SMAP1: variants seen among roughly 807,000 people sequenced by gnomAD.
The protein encoded by SMAP1 is stromal membrane-associated protein 1.
In SMAP1, 24 loss-of-function variants were observed where a neutral mutation model predicts 58.5. The ratio of observed to expected loss-of-function variants is 0.41; its 90% CI spans 0.30 to 0.58. The LOEUF (loss-of-function observed/expected upper bound fraction) is 0.58. Ranked by LOEUF, SMAP1 falls within the 20% of genes least tolerant of loss-of-function variation. SMAP1 has a pLI of 0.29. For missense variants in SMAP1, 563 were observed against 566.3 expected (o/e 0.99, Z 0.06); for synonymous variants, 216 against 196.6 (o/e 1.10, Z -0.82).
chr6:70,674,497 C>G (rs933668548), intron 1 of SMAP1, among the ~76,000 whole-genome samples: 3 of 152,112 alleles, frequency 2.0e-5, no homozygotes, highest in Non-Finnish European at 4.4e-5. Flanking sequence ...TCAATTTTCT[C>G]AATGAAAGAA....
At chr6:70,840,074 T>C (rs1490016447) in intron 7 of SMAP1, among the ~76,000 whole-genome samples, 1 of 152,224 alleles carries the variant, frequency 6.6e-6, no homozygotes, top group African/African-American at 2.4e-5. Flanking sequence ...CCTTGAAGTA[T>C]GATTTATGGT....
intron 1 of SMAP1, among the ~76,000 whole-genome samples, chr6:70,688,139 C>A (rs773074295): frequency 6.6e-6 from 1 of 152,094 alleles, no homozygotes; most frequent in Non-Finnish European, 1.5e-5. Context: ...GTTAATAGTT[C>A]TTTTCTTTTT....
At chr6:70,802,930 G>T (rs1768929001) in intron 6 of SMAP1, among the ~76,000 whole-genome samples, 1 of 152,088 alleles carries the variant, frequency 6.6e-6, no homozygotes, top group African/African-American at 2.4e-5. Flanking sequence ...GAGGATTTTC[G>T]CATCGATGTT....
intron 1 of SMAP1, among the ~76,000 whole-genome samples, chr6:70,697,457 C>T (rs536301075): frequency 1.3e-5 from 2 of 152,122 alleles, no homozygotes; most frequent in Non-Finnish European, 2.9e-5. Flanking sequence ...AGGTGCCCAC[C>T]ACCACACCCA....
intron 1 of SMAP1, among the ~76,000 whole-genome samples, chr6:70,693,156 T>C (rs1240813486): frequency 6.6e-6 from 1 of 152,142 alleles, no homozygotes. Context: ...GTTTTTGTTT[T>C]GGTAGGCTGT....
chr6:70,834,835 A>G (rs926713729), intron 6 of SMAP1, among the ~76,000 whole-genome samples: 2 of 152,224 alleles, frequency 1.3e-5, no homozygotes, highest in African/African-American at 4.8e-5. Context: ...GCTAAGCAAG[A>G]TAAGTCTGAA....
At chr6:70,733,680 T>C (rs921038468) in intron 2 of SMAP1, among the ~76,000 whole-genome samples, 1 of 152,180 alleles carries the variant, frequency 6.6e-6, no homozygotes, top group African/African-American at 2.4e-5. Context: ...CCAGCTGATG[T>C]TGTAACTCTT....
intron 1 of SMAP1, among the ~76,000 whole-genome samples, chr6:70,698,079 A>G (rs1218460438): frequency 6.6e-6 from 1 of 152,152 alleles, no homozygotes; most frequent in African/African-American, 2.4e-5. Flanking sequence ...AGCATTTCTT[A>G]TAGGACATGT....
At chr6:70,839,205 C>T (rs749197228) in intron 7 of SMAP1, among the ~76,000 whole-genome samples, 1 of 152,196 alleles carries the variant, frequency 6.6e-6, no homozygotes, top group Non-Finnish European at 1.5e-5. Context: ...TCATTTGATA[C>T]ATTTTCTACC....
intron 6 of SMAP1, among the ~76,000 whole-genome samples, chr6:70,804,679 T>C (rs1260159567): frequency 6.6e-6 from 1 of 152,210 alleles, no homozygotes; most frequent in Non-Finnish European, 1.5e-5. Context: ...GGAGCTCTTG[T>C]AAGGCAGGCC....
chr6:70,798,363 A>T (rs1768696569), intron 5 of SMAP1, among the ~76,000 whole-genome samples: 1 of 151,484 alleles, frequency 6.6e-6, no homozygotes, highest in South Asian at 2.1e-4. Context: ...TTGAATGGAG[A>T]TCTCATTCAT....
intron 3 of SMAP1, 193 bp from the exon 4 acceptor site, chr6:70,773,157 C>T: frequency 2.3e-6 from 1 of 426,856 alleles, no homozygotes; most frequent in Non-Finnish European, 4.2e-6. Context: ...AGAAAATTTC[C>T]TGAAAGAGGT....
At chr6:70,777,847 G>A (rs955762529) in intron 4 of SMAP1, among the ~76,000 whole-genome samples, 3 of 151,826 alleles carry the variant, frequency 2.0e-5, no homozygotes, top group Non-Finnish European at 4.4e-5. Context: ...CCGCCTCCTG[G>A]GTTCAAGTGA....
intron 1 of SMAP1, among the ~76,000 whole-genome samples, chr6:70,706,186 G>T (rs1442149801): frequency 6.6e-6 from 1 of 152,124 alleles, no homozygotes; most frequent in Non-Finnish European, 1.5e-5. Flanking sequence ...CAACGAAGTT[G>T]GTGGATCCTA....
chr6:70,678,781 T>C (rs528296369), intron 1 of SMAP1, among the ~76,000 whole-genome samples: 41 of 152,310 alleles, frequency 2.7e-4, no homozygotes, highest in African/African-American at 9.9e-4. Context: ...TCTTTGAAAC[T>C]AGCAGTGTGT....
chr6:70,714,056 C>T (rs1025139410), intron 1 of SMAP1, among the ~76,000 whole-genome samples: 2 of 152,104 alleles, frequency 1.3e-5, no homozygotes, highest in Non-Finnish European at 2.9e-5. Context: ...AATATGGCCA[C>T]TCTTTTGGGT....
chr6:70,696,013 T>G (rs1767386547), intron 1 of SMAP1, among the ~76,000 whole-genome samples: 1 of 152,202 alleles, frequency 6.6e-6, no homozygotes, highest in Non-Finnish European at 1.5e-5. Context: ...GTAGATTGTA[T>G]GTGTCTAGGA....
intron 6 of SMAP1, among the ~76,000 whole-genome samples, chr6:70,817,273 A>G (rs1266715223): frequency 6.6e-6 from 1 of 152,032 alleles, no homozygotes; most frequent in Non-Finnish European, 1.5e-5. Flanking sequence ...TTGCTTTAGT[A>G]TTGTAGACTT....
chr6:70,712,657 A>G (rs1281028322), intron 1 of SMAP1, among the ~76,000 whole-genome samples: 1 of 151,910 alleles, frequency 6.6e-6, no homozygotes, highest in Non-Finnish European at 1.5e-5. Context: ...TTCTTGATTC[A>G]GTCTTGATAG....
Sources: gnomAD v4.1 joint callset for allele counts (sites outside exome capture counted in the v4.1 genomes callset) on GRCh38, gnomAD v4.1.1 for gene constraint, MANE v1.5 for transcripts, NCBI Gene and HGNC (gene_info 2026-07-23, HGNC 2026-07-21) for gene names.